The following MCF2 variants were observed in gnomAD, a reference collection of about 807,000 sequenced individuals.
MCF2 encodes the protein MCF.2 cell line derived transforming sequence, also known as proto-oncogene DBL.
In MCF2, 44 loss-of-function variants were observed where a neutral mutation model predicts 82.5. That is an observed-to-expected ratio of 0.53 (90% CI 0.42 to 0.69). The LOEUF (loss-of-function observed/expected upper bound fraction) is 0.69. MCF2 is among the 30% of genes least tolerant of loss of function. The probability of loss-of-function intolerance (pLI) is 0.00; values close to 1 mark genes in which losing one functional copy is unlikely to be tolerated. For missense variants in MCF2, 623 were observed against 663.1 expected, an observed-to-expected ratio of 0.94 and a Z score of 0.66; for synonymous variants, 217 against 224.9, an observed-to-expected ratio of 0.96 and a Z score of 0.32.
At chrX:139,656,202 C>T (rs1478913363) in intron 1 of MCF2, among the ~76,000 whole-genome samples, 1 of 111,762 alleles carries the variant, frequency 8.9e-6, no homozygotes, top group Non-Finnish European at 1.9e-5. Flanking sequence ...GCTGGGACTA[C>T]AGGTGCCTGC....
rs767358725 is a variant in MCF2 at position 139,703,156 on chromosome X, C to A, written c.-45+4950G>T. ...CCCTGCTCTTCTGCATGTGTTAATC[C>A]CAGTAATGTGCCCTAATACACCTTC... On this transcript the variant is annotated intron_variant, in intron 1 of 27. Coordinates refer to the MCF2 transcript ENST00000414978. Among the ~76,000 whole-genome samples, 3 of 111,740 alleles carry A rather than the reference C, an allele frequency of 2.7e-5. No individual in the cohort carries two copies. The South Asian group carries it at 1.1e-3, about 42-fold the overall frequency.
At chrX:139,617,299 T>C (rs1931988723) in intron 8 of MCF2, among the ~76,000 whole-genome samples, 1 of 111,543 alleles carries the variant, frequency 9.0e-6, no homozygotes, top group African/African-American at 3.2e-5. Flanking sequence ...TCATGAATAG[T>C]TCATTGGTAG....
At chrX:139,633,279 A>T (rs1933014843) in intron 1 of MCF2, among the ~76,000 whole-genome samples, 1 of 111,957 alleles carries the variant, frequency 8.9e-6, no homozygotes, top group Admixed American at 9.5e-5. Flanking sequence ...CAAAAGACAA[A>T]GAAGGAGGAC....
At chrX:139,603,743 G>A (rs759852113) in intron 15 of MCF2, among the ~76,000 whole-genome samples, 429 of 111,333 alleles carry the variant, frequency 3.9e-3, no homozygotes, top group Non-Finnish European at 6.1e-3. Flanking sequence ...GCTGAGGCAG[G>A]AGAATGGTGT....
intron 1 of MCF2, among the ~76,000 whole-genome samples, chrX:139,633,685 C>G (rs1219822060): frequency 1.8e-5 from 2 of 110,399 alleles, no homozygotes; most frequent in Non-Finnish European, 3.8e-5. Context: ...AGGGGAGTCT[C>G]TAAAAGGTTT....
chrX:139,698,218 A>G (rs1198970463), intron 1 of MCF2, among the ~76,000 whole-genome samples: 2 of 112,812 alleles, frequency 1.8e-5, no homozygotes, highest in African/African-American at 6.4e-5. Context: ...AAGTTTAAGA[A>G]TATTTCCAAT....
At chrX:139,614,152 A>C (rs1398521814) in intron 10 of MCF2, among the ~76,000 whole-genome samples, 4 of 111,072 alleles carry the variant, frequency 3.6e-5, no homozygotes, top group African/African-American at 1.3e-4. Context: ...AGCTCAAGGG[A>C]ACCCCTGAGC....
chrX:139,596,069 G>T (rs1481283831), intron 19 of MCF2, among the ~76,000 whole-genome samples: 1 of 111,549 alleles, frequency 9.0e-6, no homozygotes, highest in Non-Finnish European at 1.9e-5. Context: ...AGGGAGTGGA[G>T]GAGGAACACA....
At chrX:139,686,011 C>T (rs1935113088) in intron 1 of MCF2, among the ~76,000 whole-genome samples, 1 of 109,400 alleles carries the variant, frequency 9.1e-6, no homozygotes, top group Non-Finnish European at 1.9e-5. Context: ...ACAAAAACCA[C>T]ATGATTATCT....
intron 21 of MCF2, 107 bp from the exon 26 acceptor site, chrX:139,587,895 ATCCTTGC>A: frequency 1.7e-5 from 8 of 470,061 alleles, no homozygotes; most frequent in Non-Finnish European, 2.9e-5. Flanking sequence ...ACACACACGC[ATCCTTGC>A]CATTAGACTT....
At chrX:139,609,646 G>C (rs1931349136) in intron 11 of MCF2, among the ~76,000 whole-genome samples, 1 of 111,363 alleles carries the variant, frequency 9.0e-6, no homozygotes, top group African/African-American at 3.3e-5. Context: ...TAACTGAGAA[G>C]AACAGAATCT....
chrX:139,640,074 C>T, intron 1 of MCF2, among the ~76,000 whole-genome samples: 1 of 111,456 alleles, frequency 9.0e-6, no homozygotes, highest in Non-Finnish European at 1.9e-5. Flanking sequence ...TAAGGGCAAA[C>T]TCTTTCTAGA....
At chrX:139,700,077 C>G (rs915987980) in intron 1 of MCF2, among the ~76,000 whole-genome samples, 1 of 111,044 alleles carries the variant, frequency 9.0e-6, no homozygotes, top group African/African-American at 3.3e-5. Context: ...TTCAGAGGAC[C>G]CTGATGGAAT....
At chrX:139,599,010 G>A (rs1458482154) in intron 16 of MCF2, among the ~76,000 whole-genome samples, 3 of 109,998 alleles carry the variant, frequency 2.7e-5, no homozygotes, top group African/African-American at 9.9e-5. Context: ...AAATATAAGG[G>A]TCATGATGTT....
intron 1 of MCF2, among the ~76,000 whole-genome samples, chrX:139,707,473 C>G (rs1935613025): frequency 9.0e-6 from 1 of 111,513 alleles, no homozygotes; most frequent in Admixed American, 9.6e-5. Flanking sequence ...GTCTACATCC[C>G]CCCGGCTACC....
chrX:139,632,056 T>C (rs1265824123), intron 2 of MCF2, among the ~76,000 whole-genome samples: 2 of 111,288 alleles, frequency 1.8e-5, no homozygotes, highest in Non-Finnish European at 1.9e-5. Flanking sequence ...TACACGCACA[T>C]ACATATACAC....
chrX:139,658,962 T>C (rs1366675582), intron 1 of MCF2, among the ~76,000 whole-genome samples: 1 of 111,427 alleles, frequency 9.0e-6, no homozygotes, highest in Non-Finnish European at 1.9e-5. Context: ...GGATTACAGA[T>C]GTGAACCACC....
chrX:139,626,721 A>G (rs188888457), exon 5 of MCF2: 399 of 1,208,132 alleles, frequency 3.3e-4, no homozygotes, highest in East Asian at 2.9e-3. Flanking sequence ...TTGTTAGCAG[A>G]ATTTTTCCTT....
In MCF2 at chrX:139,582,389, A is replaced by G. The variant is rs890905904; in HGVS notation, c.*82T>C. On this transcript the variant is annotated 3_prime_UTR_variant, in exon 25 of 25. Transcript: ENST00000370576. ...AACAACATCTGCATCATTTGAGCTCAATGTCTTTTGCGCAGTATTTTTCCA... is the reference window on the plus strand; with the variant it reads ...AACAACATCTGCATCATTTGAGCTCGATGTCTTTTGCGCAGTATTTTTCCA... 2.9e-6 allele frequency: 3 copies of G among 1,039,882 alleles called. No homozygotes were observed. The African/African-American group carries it at 5.6e-5, about 19-fold the overall frequency. 85.7% of individuals were successfully genotyped at this position (1,039,882 alleles called of 1,213,427 possible).
Sources: allele counts gnomAD v4.1 joint callset (sites outside exome capture counted in the v4.1 genomes callset), GRCh38; gene constraint gnomAD v4.1.1; transcripts MANE v1.5; gene names NCBI Gene and HGNC (gene_info 2026-07-23, HGNC 2026-07-21).